C9: variants seen among roughly 807,000 people sequenced by gnomAD.
C9 encodes the protein complement C9.
A neutral mutation model predicts 65.4 loss-of-function variants in C9; 63 were observed. That is an observed-to-expected ratio of 0.96 (90% confidence interval 0.79 to 1.19). The LOEUF (loss-of-function observed/expected upper bound fraction) is 1.19, where lower values mean the gene tolerates loss of function less well. Among genes scored for constraint, C9 ranks in the 50% most tolerant of loss-of-function variants. C9 has a pLI of 0.00. For synonymous variants in C9, 229 were observed against 227.9 expected (o/e 1.00, Z -0.04); for missense variants, 744 against 670.1 (o/e 1.11, Z -1.22).
chr5:39,289,011 A>G (rs1416845307), intron 9 of C9, 60 bp from the exon 10 acceptor site: 5 of 895,060 alleles, frequency 5.6e-6, no homozygotes, highest in Non-Finnish European at 9.4e-6. Context: ...CTTGTAGAAT[A>G]CACTTTACTT....
chr5:39,303,486 T>C (rs1378321913), intron 9 of C9, among the ~76,000 whole-genome samples: 1 of 150,228 alleles, frequency 6.7e-6, no homozygotes, highest in Non-Finnish European at 1.5e-5. Context: ...TATATAACTG[T>C]ATTTATAGAT....
At chr5:39,352,834 GTT>G (rs747093390) in intron 1 of C9, among the ~76,000 whole-genome samples, 62 of 144,690 alleles carry the variant, frequency 4.3e-4, no homozygotes, top group African/African-American at 1.5e-3. Flanking sequence ...TGAAGTCTAA[GTT>G]TTTTTTTTTT....
intron 9 of C9, among the ~76,000 whole-genome samples, chr5:39,294,770 A>T (rs927697411): frequency 4.6e-5 from 7 of 151,866 alleles, no homozygotes; most frequent in African/African-American, 1.7e-4. Flanking sequence ...ACACAAAAAA[A>T]CCCATAGACC....
chr5:39,299,313 C>A (rs560429790), intron 9 of C9, among the ~76,000 whole-genome samples: 2 of 151,988 alleles, frequency 1.3e-5, no homozygotes, highest in South Asian at 4.1e-4. Context: ...TATGACCAAG[C>A]AATCTCTCTC....
intron 9 of C9, among the ~76,000 whole-genome samples, chr5:39,296,152 A>G (rs376133433): frequency 4.3e-4 from 66 of 151,860 alleles, no homozygotes; most frequent in African/African-American, 1.5e-3. Flanking sequence ...TCAAATGCAC[A>G]GGGAACAGAA....
At chr5:39,328,373 C>T (rs1031504098) in intron 5 of C9, among the ~76,000 whole-genome samples, 2 of 152,106 alleles carry the variant, frequency 1.3e-5, no homozygotes, top group African/African-American at 4.8e-5. Context: ...ATGTGAAGAA[C>T]GAGAATGAGG....
intron 1 of C9, among the ~76,000 whole-genome samples, chr5:39,349,560 T>G (rs1164205930): frequency 2.6e-5 from 4 of 152,206 alleles, no homozygotes; most frequent in African/African-American, 9.7e-5. Context: ...TAAATTCTCT[T>G]TTCTTTTAGC....
chr5:39,350,430 C>T (rs1199631345), intron 1 of C9, among the ~76,000 whole-genome samples: 5 of 152,168 alleles, frequency 3.3e-5, no homozygotes, highest in Admixed American at 6.5e-5. Context: ...CAACAGTCCC[C>T]TAGAGTCTTA....
intron 1 of C9, among the ~76,000 whole-genome samples, chr5:39,345,364 G>A (rs889766596): frequency 6.6e-6 from 1 of 152,134 alleles, no homozygotes; most frequent in Non-Finnish European, 1.5e-5. Flanking sequence ...AAAGGCAGGG[G>A]TTGTAATCGT....
At chr5:39,356,305 A>G (rs534697371) in intron 1 of C9, among the ~76,000 whole-genome samples, 2 of 152,328 alleles carry the variant, frequency 1.3e-5, no homozygotes, top group South Asian at 4.1e-4. Flanking sequence ...GTTCAGTGCA[A>G]TGTTTCCCTG....
chr5:39,316,109 G>T, intron 5 of C9, 80 bp from the exon 6 acceptor site: 1 of 1,222,554 alleles, frequency 8.2e-7, no homozygotes. Context: ...CCAAAGAGAA[G>T]TCAAACAATT....
chr5:39,307,887 G>T (rs928968803), intron 8 of C9, among the ~76,000 whole-genome samples: 1 of 152,078 alleles, frequency 6.6e-6, no homozygotes, highest in African/African-American at 2.4e-5. Context: ...GAACATTGTC[G>T]CTTGCTTATT....
chr5:39,299,287 A>G (rs1408470010), intron 9 of C9, among the ~76,000 whole-genome samples: 1 of 152,078 alleles, frequency 6.6e-6, no homozygotes. Context: ...GTAATTTTGT[A>G]TAAACACACA....
intron 10 of C9, 152 bp from the exon 11 acceptor site, chr5:39,285,385 A>C (rs1752973021): frequency 1.4e-6 from 1 of 697,396 alleles, no homozygotes; most frequent in Non-Finnish European, 2.7e-6. Flanking sequence ...GTAAGGTACA[A>C]GGCACATTTT....
At chr5:39,343,201 A>C (rs1042254637) in intron 1 of C9, among the ~76,000 whole-genome samples, 9 of 152,268 alleles carry the variant, frequency 5.9e-5, no homozygotes, top group Non-Finnish European at 1.0e-4. Flanking sequence ...GGTGCAGCCC[A>C]CTGAGTGTGT....
chr5:39,354,787 T>C (rs1341401376), intron 1 of C9, among the ~76,000 whole-genome samples: 3 of 152,216 alleles, frequency 2.0e-5, no homozygotes, highest in Middle Eastern at 3.2e-3. Context: ...GCATAGCTAA[T>C]AATAGGAAAT....
intron 1 of C9, among the ~76,000 whole-genome samples, chr5:39,359,199 G>A (rs1423980166): frequency 2.7e-5 from 4 of 149,562 alleles, no homozygotes; most frequent in Non-Finnish European, 4.4e-5. Flanking sequence ...ATGATTCCCA[G>A]GTTTTAATCT....
chr5:39,352,985 T>C (rs1754349833), intron 1 of C9, among the ~76,000 whole-genome samples: 1 of 152,132 alleles, frequency 6.6e-6, no homozygotes, highest in Non-Finnish European at 1.5e-5. Flanking sequence ...TCATCCTGTA[T>C]TATTTTGTTG....
chr5:39,313,575 G>C (rs1310953435), intron 6 of C9, among the ~76,000 whole-genome samples: 1 of 152,184 alleles, frequency 6.6e-6, no homozygotes, highest in African/African-American at 2.4e-5. Context: ...CTGGAGCACA[G>C]TCTAAGATTC....
Sources: allele counts gnomAD v4.1 joint callset (sites outside exome capture counted in the v4.1 genomes callset), GRCh38; gene constraint gnomAD v4.1.1; transcripts MANE v1.5; gene names NCBI Gene and HGNC (gene_info 2026-07-23, HGNC 2026-07-21).